USP6NL: variants seen among roughly 807,000 people sequenced by gnomAD.
USP6NL encodes USP6 N-terminal-like protein.
In USP6NL, 26 loss-of-function variants were observed where a neutral mutation model predicts 61.9. That is an observed-to-expected ratio of 0.42 (90% CI 0.31 to 0.58). USP6NL has a LOEUF of 0.58. Among genes scored for constraint, USP6NL ranks in the 20% least tolerant of loss-of-function variants. The pLI, the probability that USP6NL is intolerant of heterozygous loss-of-function variation, is 0.16. For synonymous variants in USP6NL, 432 were observed against 390.1 expected, an observed-to-expected ratio of 1.11 and a Z score of -1.27; for missense variants, 1,114 against 1,034.3, an observed-to-expected ratio of 1.08 and a Z score of -1.06.
Position 11,530,045 on chromosome 10 carries a change from T to G in USP6NL, c.5-2478A>C, listed in dbSNP as rs185394543. Among the ~76,000 whole-genome samples, 416 of 138,600 alleles carry G rather than the reference T, an allele frequency of 3.0e-3. 2 individuals carry two copies. Among genetic ancestry groups the G allele is most frequent in the African/African-American group, 0.011 (394 of 36,434 alleles). The allele number at this position is 138,600 out of a possible 152,430, so 90.9% of individuals were successfully genotyped here. On this transcript the variant is annotated intron_variant, in intron 2 of 14. Coordinates refer to ENST00000609104, the MANE Select transcript of USP6NL (RefSeq NM_014688.5). ...TGAGGCCGGGAGGCAGAGGTTGCAGTGAGCTGAGATCGTGCCACTGCACTC... is the reference window on the plus strand; with the variant it reads ...TGAGGCCGGGAGGCAGAGGTTGCAGGGAGCTGAGATCGTGCCACTGCACTC...
At chr10:11,546,492 C>T (rs1211255167) in intron 2 of USP6NL, among the ~76,000 whole-genome samples, 1 of 152,154 alleles carries the variant, frequency 6.6e-6, no homozygotes, top group Non-Finnish European at 1.5e-5. Context: ...ACCTCCGCCT[C>T]CCAGGTTCAA....
chr10:11,463,231 T>A lies in USP6NL; in HGVS notation c.1697A>T (p.Glu566Val), dbSNP rs1027186801. Reference sequence around the variant, plus strand: ...GGAGTAAGCCCTTTCCAGCGCCTCCTCCACGGAAGCGCCGCTGTCCAGCTC... The same window carrying A: ...GGAGTAAGCCCTTTCCAGCGCCTCCACCACGGAAGCGCCGCTGTCCAGCTC... ...GPELDSGASV[E>V]EALERAYSQS... The change falls in exon 15 of 15, where the codon GAG becomes GTG. Residue 566 changes from glutamate to valine, a missense_variant. Physicochemically the swap from Glu to Val is moderately radical, Grantham distance 121 (BLOSUM62 -2). Coordinates refer to ENST00000609104, the MANE Select transcript of USP6NL (RefSeq NM_014688.5). The surrounding 1 kb of genome is among the most constrained non-coding windows in gnomAD (Gnocchi z 6.3). 1.1e-5 allele frequency: 17 copies of A among 1,613,392 alleles called. No homozygotes were observed. The highest frequency in any genetic ancestry group is 8.0e-5 in the African/African-American group (6 of 74,936).
Position 11,490,811 on chromosome 10 carries a change from G to T in USP6NL, c.543+21C>A. The T allele has an allele frequency of 6.4e-7, 1 of 1,551,676 alleles. No individual in the cohort carries two copies. The highest frequency in any genetic ancestry group is 8.7e-7 in the Non-Finnish European group (1 of 1,148,124). ...CTCAGAATACAACTCAAAGACCTTG[G>T]GCAGGCAGGCCCCAACTTACCGTGT... On this transcript the variant is annotated intron_variant, in intron 9 of 14. Coordinates refer to ENST00000609104, the MANE Select transcript of USP6NL (RefSeq NM_014688.5). This position sits in a 1 kb window ranked among gnomAD's most constrained non-coding sequence, Gnocchi z 4.5.
At chr10:11,582,739 G>C (rs1837823629) in intron 2 of USP6NL, among the ~76,000 whole-genome samples, 1 of 152,008 alleles carries the variant, frequency 6.6e-6, no homozygotes, top group African/African-American at 2.4e-5. Context: ...ATAAAGAGCA[G>C]GCAAGAAGCT....
In USP6NL at chr10:11,532,102, G is replaced by C. The variant is rs1835684112; in HGVS notation, c.5-4535C>G. On this transcript the variant is annotated intron_variant, in intron 2 of 14. Coordinates refer to ENST00000609104, the MANE Select transcript of USP6NL (RefSeq NM_014688.5). The surrounding 1 kb of genome is among the most constrained non-coding windows in gnomAD (Gnocchi z 4.1). ...TTCCAATAAAATAAAATTTACAGCA[G>C]ACCATTTTTCCTAGAGTACATTTTG... The C allele has an allele frequency of 1.9e-6, 2 of 1,077,086 alleles. No individual in the cohort carries two copies. The highest frequency in any genetic ancestry group is 5.2e-5 in the East Asian group (2 of 38,334). 66.7% of individuals were successfully genotyped at this position (1,077,086 alleles called of 1,614,324 possible). A position where few individuals can be genotyped will look rare whatever the true frequency, so the allele number is the denominator to read the frequency against.
rs556130722 is a variant in USP6NL, at chr10:11,462,620, C to A, written c.2308G>T (p.Ala770Ser). The change falls in exon 15 of 15, where the codon GCA becomes TCA. Residue 770 changes from alanine (A) to serine (S), a missense_variant. Coordinates refer to ENST00000609104, the MANE Select transcript of USP6NL (RefSeq NM_014688.5). ...NLPKYSAFQL[A>S]PFQDHGLPAV... ...GGGAGGCCATGGTCCTGAAAGGGTG[C>A]GAGTTGAAAGGCTGAGTATTTTGGT... 5 of 1,613,916 alleles carry A rather than the reference C, an allele frequency of 3.1e-6. No homozygotes were observed. In the East Asian group the frequency reaches 8.9e-5, roughly 29 times the overall value.
In USP6NL at chr10:11,611,001, CG is replaced by C; in HGVS notation, c.-84+441del. Among the ~76,000 whole-genome samples the C allele has an allele frequency of 6.6e-6, 1 of 152,166 alleles. No individual in the cohort carries two copies. The highest frequency in any genetic ancestry group is 1.5e-5 in the Non-Finnish European group (1 of 68,010). On this transcript the variant is annotated intron_variant, in intron 1 of 14. Coordinates refer to ENST00000609104, the MANE Select transcript of USP6NL (RefSeq NM_014688.5). This position sits in a 1 kb window ranked among gnomAD's most constrained non-coding sequence, Gnocchi z 5.3. ...TCTCTCATTCGCCCCATCCTCCCCTCGCCTGGTCCAAACAAAGTTCCGCGGC... is the reference window on the plus strand; with the variant it reads ...TCTCTCATTCGCCCCATCCTCCCCTCCCTGGTCCAAACAAAGTTCCGCGGC...
chr10:11,571,161 G>A (rs962441014), intron 2 of USP6NL, among the ~76,000 whole-genome samples: 3 of 150,360 alleles, frequency 2.0e-5, no homozygotes, highest in Admixed American at 6.6e-5. Flanking sequence ...TCAGCTCACC[G>A]CAACCTCTGC....
At chr10:11,564,318 T>C (rs938516246) in intron 2 of USP6NL, 2 of 152,230 alleles carry the variant, frequency 1.3e-5, no homozygotes, top group Non-Finnish European at 2.9e-5. Flanking sequence ...CTCAATAAAA[T>C]AACTCATTGC....
rs1833635704 is a variant in USP6NL, at chr10:11,489,864, G to T, written c.544-642C>A. ...AAGCCAGAGACTGTAATCAGATGGG[G>T]GTACGTACTGGAACAGAATGCTCAC... On this transcript the variant is annotated intron_variant, in intron 9 of 14. Transcript: ENST00000609104. The surrounding 1 kb of genome is among the most constrained non-coding windows in gnomAD (Gnocchi z 5.7). 6.6e-6 allele frequency among the ~76,000 whole-genome samples: 1 copy of T among 152,190 alleles called. No individual in the cohort carries two copies. The highest frequency in any genetic ancestry group is 2.1e-4 in the South Asian group (1 of 4,826).
At chr10:11,582,337 G>T (rs1327059676) in intron 2 of USP6NL, among the ~76,000 whole-genome samples, 3 of 152,212 alleles carry the variant, frequency 2.0e-5, no homozygotes, top group African/African-American at 7.2e-5. Flanking sequence ...TGGACCTCAG[G>T]TGATCCGCCC....
rs143975095 is a variant in USP6NL, at chr10:11,501,697, T to A, written c.277-489A>T. Reference sequence around the variant, plus strand: ...CTCTTTCCTGCCACCTTCTCACTGGTCTCTCAGAAGATACCAAGCTTCTCC... The same window carrying A: ...CTCTTTCCTGCCACCTTCTCACTGGACTCTCAGAAGATACCAAGCTTCTCC... On this transcript the variant is annotated intron_variant, in intron 6 of 14. Coordinates refer to ENST00000609104, the MANE Select transcript of USP6NL (RefSeq NM_014688.5). Among the ~76,000 whole-genome samples the A allele has an allele frequency of 1.2e-3, 185 of 152,248 alleles. 1 individual carries two copies. Among genetic ancestry groups the A allele is most frequent in the Non-Finnish European group, 8.7e-4 (59 of 68,018 alleles).
intron 2 of USP6NL, among the ~76,000 whole-genome samples, chr10:11,533,443 A>C (rs1311871242): frequency 6.6e-6 from 1 of 152,230 alleles, no homozygotes; most frequent in Admixed American, 6.5e-5. Context: ...TACAGATGTA[A>C]TTCAGCTAAG....
At chr10:11,607,474 A>G (rs1249818101) in intron 1 of USP6NL, among the ~76,000 whole-genome samples, 2 of 152,190 alleles carry the variant, frequency 1.3e-5, no homozygotes, top group African/African-American at 4.8e-5. Context: ...ACTTGAGCCT[A>G]GGAATTCAAG....
intron 2 of USP6NL, among the ~76,000 whole-genome samples, chr10:11,550,351 G>T (rs909691579): frequency 2.0e-5 from 3 of 152,216 alleles, no homozygotes; most frequent in East Asian, 3.9e-4. Flanking sequence ...AGAAAAGCCT[G>T]TAAAATATGT....
chr10:11,566,189 A>G (rs925544721), intron 2 of USP6NL, among the ~76,000 whole-genome samples: 1 of 152,244 alleles, frequency 6.6e-6, no homozygotes, highest in Non-Finnish European at 1.5e-5. Flanking sequence ...GAGCACTCAT[A>G]ATAAATTTTT....
In USP6NL at chr10:11,552,918, T is replaced by C. The variant is rs145434876; in HGVS notation, c.5-25351A>G. 2.4e-3 allele frequency among the ~76,000 whole-genome samples: 360 copies of C among 152,228 alleles called. 1 individual carries two copies. Among genetic ancestry groups the C allele is most frequent in the African/African-American group, 7.8e-3 (323 of 41,524 alleles). ...GAAGTCTGGGCTTTTAGTGTACCCA[T>C]TACCCCAATAAAGAATAATGTATCC... On this transcript the variant is annotated intron_variant, in intron 2 of 14. Coordinates refer to ENST00000609104, the MANE Select transcript of USP6NL (RefSeq NM_014688.5).
chr10:11,541,342 A>T (rs1325972407), intron 2 of USP6NL, among the ~76,000 whole-genome samples: 1 of 147,396 alleles, frequency 6.8e-6, no homozygotes, highest in Non-Finnish European at 1.5e-5. Context: ...ATAAGCAGTA[A>T]CCAGCATTTA....
At chr10:11,558,779 T>A (rs1035268964) in intron 2 of USP6NL, among the ~76,000 whole-genome samples, 1 of 152,300 alleles carries the variant, frequency 6.6e-6, no homozygotes, top group African/African-American at 2.4e-5. Flanking sequence ...CTCAAACAGA[T>A]CCATCCCTCG....
Sources: allele counts gnomAD v4.1 joint callset (sites outside exome capture counted in the v4.1 genomes callset), GRCh38; gene constraint gnomAD v4.1.1; non-coding constraint Gnocchi (gnomAD v3.1); transcripts MANE v1.5; gene names NCBI Gene and HGNC (gene_info 2026-07-23, HGNC 2026-07-21).